NLGN1: variants seen among roughly 807,000 people sequenced by gnomAD.
NLGN1 encodes neuroligin-1.
Under a neutral mutation model 65.5 loss-of-function variants are expected in NLGN1, and 12 were observed. The ratio of observed to expected loss-of-function variants is 0.18; its 90% CI spans 0.12 to 0.30. The LOEUF is 0.30. Among genes scored for constraint, NLGN1 ranks in the 10% least tolerant of loss-of-function variants. The pLI, the probability that NLGN1 is intolerant of heterozygous loss-of-function variation, is 1.00. For synonymous variants in NLGN1, 350 were observed against 359.5 expected (o/e 0.97, Z 0.30); for missense variants, 750 against 1,007.1 (o/e 0.74, Z 3.46).
At chr3:173,981,094 C>T (rs1718671503) in intron 4 of NLGN1, among the ~76,000 whole-genome samples, 2 of 152,058 alleles carry the variant, frequency 1.3e-5, no homozygotes, top group Non-Finnish European at 2.9e-5. Context: ...TCACAAGAAA[C>T]TTGATTTGAA....
downstream of NLGN1, among the ~76,000 whole-genome samples, chr3:174,289,545 C>G (rs377756478): frequency 1.9e-4 from 29 of 151,128 alleles, no homozygotes; most frequent in African/African-American, 6.8e-4. Context: ...GATAATTACT[C>G]TAAACTTTCT....
rs10601211 is a variant in NLGN1 at position 173,862,505 on chromosome 3, C to CAA, written c.646+54697_646+54698dup. ...TGGGCGACAGAGCGAGACTCCGTCT[C>CAA]AAAAAAAAAAAAAAAAAAAAAAAAA... On this transcript the variant is annotated intron_variant, in intron 4 of 6. Coordinates refer to ENST00000457714, the Ensembl canonical transcript of NLGN1. Among the ~76,000 whole-genome samples the CAA allele has an allele frequency of 5.3e-3, 219 of 41,456 alleles. 3 individuals are homozygous for CAA. The highest frequency in any genetic ancestry group is 5.7e-3 in the African/African-American group (82 of 14,362). 27.2% of individuals were successfully genotyped at this position (41,456 alleles called of 152,430 possible).
At chr3:174,131,982 G>A (rs73046230) in intron 4 of NLGN1, among the ~76,000 whole-genome samples, 3,944 of 152,210 alleles carry the variant, frequency 0.026, 180 homozygotes, top group African/African-American at 0.09. Flanking sequence ...TCAAACACTG[G>A]CTGGCTTCAC....
At chr3:173,620,172 C>T (rs760039886) in intron 3 of NLGN1, among the ~76,000 whole-genome samples, 1 of 152,074 alleles carries the variant, frequency 6.6e-6, no homozygotes, top group Non-Finnish European at 1.5e-5. Context: ...GGATGATAAA[C>T]CACGATAGGG....
chr3:173,786,983 A>G (rs1048309087), intron 3 of NLGN1, among the ~76,000 whole-genome samples: 8 of 152,190 alleles, frequency 5.3e-5, no homozygotes, highest in Non-Finnish European at 5.9e-5. Context: ...AGGCTGAGGC[A>G]GGAGAATCAC....
At chr3:174,149,967 G>T (rs983555420) in intron 4 of NLGN1, among the ~76,000 whole-genome samples, 1 of 152,026 alleles carries the variant, frequency 6.6e-6, no homozygotes, top group East Asian at 1.9e-4. Context: ...TCAATACATG[G>T]ATAAATTACA....
intron 4 of NLGN1, among the ~76,000 whole-genome samples, chr3:174,141,616 G>A (rs1722288088): frequency 6.6e-6 from 1 of 152,138 alleles, no homozygotes; most frequent in Non-Finnish European, 1.5e-5. Flanking sequence ...ATAAATATCT[G>A]CTGGTGGTTC....
chr3:173,594,454 G>T (rs778862367), intron 2 of NLGN1, among the ~76,000 whole-genome samples: 1 of 152,198 alleles, frequency 6.6e-6, no homozygotes, highest in Non-Finnish European at 1.5e-5. Flanking sequence ...GGTTCCCATG[G>T]TCTTGGGCAG....
At chr3:173,779,404 G>T (rs943028732) in intron 3 of NLGN1, among the ~76,000 whole-genome samples, 1 of 151,826 alleles carries the variant, frequency 6.6e-6, no homozygotes, top group African/African-American at 2.4e-5. Context: ...AAAATATTTG[G>T]CTGAATCATT....
chr3:173,464,435 A>T (rs1328517900), intron 2 of NLGN1, among the ~76,000 whole-genome samples: 2 of 138,594 alleles, frequency 1.4e-5, no homozygotes, highest in Non-Finnish European at 3.0e-5. Context: ...ATCAGTTACA[A>T]TTTTTTTTTT....
intron 4 of NLGN1, among the ~76,000 whole-genome samples, chr3:174,031,551 T>G (rs1232633075): frequency 6.6e-6 from 1 of 152,108 alleles, no homozygotes; most frequent in African/African-American, 2.4e-5. Flanking sequence ...TTCAGGGATG[T>G]AAAAGATTAT....
intron 4 of NLGN1, among the ~76,000 whole-genome samples, chr3:173,830,834 G>A (rs1423951391): frequency 6.6e-6 from 1 of 152,184 alleles, no homozygotes; most frequent in Non-Finnish European, 1.5e-5. Context: ...GAGGAATCAT[G>A]TGAATAACTA....
Position 174,221,482 on chromosome 3 carries a change from G to A in NLGN1, c.647-53833G>A, listed in dbSNP as rs570137612. Among the ~76,000 whole-genome samples the A allele has an allele frequency of 1.5e-4, 23 of 152,104 alleles. No individual in the cohort carries two copies. The South Asian group carries it at 4.8e-3, about 32-fold the overall frequency. On this transcript the variant is annotated intron_variant, in intron 4 of 6. Transcript: ENST00000457714. ...AGACTCCAAATAGGTCTTGGTCTTG[G>A]GTTCCAGTTATGACACAGACTTACC...
downstream of NLGN1, among the ~76,000 whole-genome samples, chr3:174,286,903 A>G (rs1752187926): frequency 6.6e-6 from 1 of 151,512 alleles, no homozygotes; most frequent in Non-Finnish European, 1.5e-5. Flanking sequence ...AGGAAAAAGA[A>G]AAGAATGGAA....
At chr3:173,688,762 A>T (rs1765038066) in intron 3 of NLGN1, among the ~76,000 whole-genome samples, 1 of 152,234 alleles carries the variant, frequency 6.6e-6, no homozygotes, top group Non-Finnish European at 1.5e-5. Flanking sequence ...ATATGATAAA[A>T]TAGTTCTTGT....
chr3:173,422,908 AT>A (rs1715367579), intron 1 of NLGN1, among the ~76,000 whole-genome samples: 1 of 152,178 alleles, frequency 6.6e-6, no homozygotes. Context: ...GTATTAGTCC[AT>A]TCTCACACTG....
At chr3:173,765,667 T>G (rs1319960951) in intron 3 of NLGN1, among the ~76,000 whole-genome samples, 3 of 152,158 alleles carry the variant, frequency 2.0e-5, no homozygotes, top group African/African-American at 7.2e-5. Context: ...TAGTCCAGTT[T>G]ACTTCAATTT....
chr3:173,517,503 A>T (rs1436290206), intron 2 of NLGN1, among the ~76,000 whole-genome samples: 1 of 152,068 alleles, frequency 6.6e-6, no homozygotes. Flanking sequence ...TTCAAAACAT[A>T]CAATGGACTA....
intron 2 of NLGN1, among the ~76,000 whole-genome samples, chr3:173,473,343 A>G (rs950350279): frequency 1.3e-5 from 2 of 152,222 alleles, no homozygotes; most frequent in Admixed American, 6.5e-5. Flanking sequence ...AACTTCAAAG[A>G]AGACTTTATT....
Sources: allele counts gnomAD v4.1 joint callset (sites outside exome capture counted in the v4.1 genomes callset), GRCh38; gene constraint gnomAD v4.1.1; transcripts MANE v1.5; gene names NCBI Gene and HGNC (gene_info 2026-07-23, HGNC 2026-07-21).